SUSD6: variants seen among roughly 807,000 people sequenced by gnomAD.
SUSD6 encodes sushi domain containing 6.
In SUSD6, 16 loss-of-function variants were observed where a neutral mutation model predicts 28.4. The ratio of observed to expected loss-of-function variants is 0.56; its 90% CI spans 0.38 to 0.86. The LOEUF (loss-of-function observed/expected upper bound fraction) is 0.86. SUSD6 is among the 40% of genes least tolerant of loss of function. SUSD6 has a pLI of 0.00. For synonymous variants in SUSD6, 147 were observed against 159.6 expected (o/e 0.92, Z 0.59); for missense variants, 341 against 384.2 (o/e 0.89, Z 0.94).
Position 69,701,479 on chromosome 14 carries a change from A to G in SUSD6, c.122-1916A>G, listed in dbSNP as rs192406642. Among the ~76,000 whole-genome samples the G allele has an allele frequency of 1.3e-3, 202 of 152,304 alleles. 1 individual carries two copies. The highest frequency in any genetic ancestry group is 4.7e-3 in the African/African-American group (195 of 41,558). ...ACAGTCCAAGGAGAGCCAGGGAGTA[A>G]GTCAGGGAGATCTGTGGCAGGCCTG... is the stretch of plus-strand genomic sequence containing the variant. On this transcript the variant is annotated intron_variant, in intron 2 of 5. Transcript: ENST00000342745.
chr14:69,695,380 G>A (rs11847514), intron 2 of SUSD6, among the ~76,000 whole-genome samples: 6,095 of 152,318 alleles, frequency 0.04, 436 homozygotes, highest in African/African-American at 0.14. Context: ...ACCTTGTGCT[G>A]TATCCAAAAC....
chr14:69,663,002 T>A (rs1885685406), intron 2 of SUSD6, among the ~76,000 whole-genome samples: 1 of 152,230 alleles, frequency 6.6e-6, no homozygotes, highest in Admixed American at 6.5e-5. Flanking sequence ...GCAGTTGATA[T>A]TCTTTGCTGT....
chr14:69,621,385 A>G (rs940986933), intron 1 of SUSD6, among the ~76,000 whole-genome samples: 1 of 152,204 alleles, frequency 6.6e-6, no homozygotes, highest in African/African-American at 2.4e-5. Context: ...GTTAACATTC[A>G]CCAAGTTCAC....
At chr14:69,653,715 A>G (rs1241286495) in intron 1 of SUSD6, among the ~76,000 whole-genome samples, 1 of 103,238 alleles carries the variant, frequency 9.7e-6, no homozygotes, top group Non-Finnish European at 2.0e-5. Context: ...TAGCCTCAGT[A>G]TTTCTCTAGG....
intron 1 of SUSD6, among the ~76,000 whole-genome samples, chr14:69,626,641 A>G (rs1269981875): frequency 6.6e-6 from 1 of 152,110 alleles, no homozygotes; most frequent in Non-Finnish European, 1.5e-5. Flanking sequence ...GTGCCTACCT[A>G]TGAAGCACCC....
At chr14:69,644,029 G>A (rs569940863) in intron 1 of SUSD6, among the ~76,000 whole-genome samples, 1 of 152,282 alleles carries the variant, frequency 6.6e-6, no homozygotes, top group Non-Finnish European at 1.5e-5. Context: ...CACGTTGGCT[G>A]TATATCTCCC....
rs1157707330 is a variant in SUSD6 at position 69,714,259 on chromosome 14, C to T, written c.*3280C>T. On this transcript the variant is annotated 3_prime_UTR_variant, in exon 6 of 6. Transcript: ENST00000342745. The stretch of plus-strand genomic sequence containing the variant: ...ATGGCAATTCAGACAAAGGTATACT[C>T]TTCCTGCTTCATGGGTGGTGGCACG... 6.6e-6 allele frequency: 1 copy of T among 152,246 alleles called. No individual in the cohort carries two copies. The highest frequency in any genetic ancestry group is 1.5e-5 in the Non-Finnish European group (1 of 68,052). 9.4% of individuals were successfully genotyped at this position (152,246 alleles called of 1,614,324 possible). A position where few individuals can be genotyped will look rare whatever the true frequency, so the allele number is the denominator to read the frequency against.
rs770189567 is a variant in SUSD6, at chr14:69,708,755, G to A, written c.537G>A (p.Glu179=). ...GVQVALPSYE[E]AVYGSSGHCV... ...AGGTTGCACTACCATCATACGAGGA[G>A]GCTGTATATGGCAGTTCTGGTCACT... Residue 179 remains glutamate, a synonymous_variant, in exon 5 of 6, where the codon GAG becomes GAA. Transcript: ENST00000342745. 10 of 1,613,800 alleles carry A rather than the reference G, an allele frequency of 6.2e-6. No homozygotes were observed. The highest frequency in any genetic ancestry group is 1.7e-6 in the Non-Finnish European group (2 of 1,179,912).
chr14:69,672,220 T>C (rs1275749), intron 2 of SUSD6, among the ~76,000 whole-genome samples: 127,731 of 152,140 alleles, frequency 0.84, 55,776 homozygotes, highest in Non-Finnish European at 0.95. Flanking sequence ...CCCAAACCTA[T>C]GGAATCGAAA....
At chr14:69,676,753 T>C (rs899224770) in intron 2 of SUSD6, among the ~76,000 whole-genome samples, 5 of 152,214 alleles carry the variant, frequency 3.3e-5, no homozygotes. Flanking sequence ...AACCATTTAG[T>C]AGATCTCTGT....
At position 69,711,506 on chromosome 14, in the gene SUSD6, CA is replaced by C. The variant is rs1258135741; in HGVS notation, c.*528del. On this transcript the variant is annotated 3_prime_UTR_variant, in exon 6 of 6. Coordinates refer to ENST00000342745, the MANE Select transcript of SUSD6 (RefSeq NM_014734.4). ...TTGCCCCTACTGCCCTTTGCAGGAA[CA>C]GATCCAGGTGTGAGAGCTCTTGAGT... 6.5e-6 allele frequency: 1 copy of C among 154,648 alleles called. No individual in the cohort carries two copies. Among genetic ancestry groups the C allele is most frequent in the Non-Finnish European group, 1.4e-5 (1 of 69,612 alleles). 9.6% of individuals were successfully genotyped at this position (154,648 alleles called of 1,614,324 possible).
chr14:69,656,949 C>T (rs1188497464), intron 1 of SUSD6, among the ~76,000 whole-genome samples: 1 of 152,198 alleles, frequency 6.6e-6, no homozygotes, highest in Non-Finnish European at 1.5e-5. Context: ...AAGGCTCAAA[C>T]TGGAGTCTGG....
intron 2 of SUSD6, among the ~76,000 whole-genome samples, chr14:69,672,304 A>C (rs1639847259): frequency 6.6e-6 from 1 of 152,170 alleles, no homozygotes; most frequent in South Asian, 2.1e-4. Flanking sequence ...GAGAGGAGGG[A>C]TCATTAAAAT....
At chr14:69,648,697 A>C (rs1595041370) in intron 1 of SUSD6, among the ~76,000 whole-genome samples, 1 of 152,264 alleles carries the variant, frequency 6.6e-6, no homozygotes, top group East Asian at 1.9e-4. Flanking sequence ...ACATAACTGC[A>C]TCAGCCAGCT....
rs1027889186 is a variant in SUSD6 at position 69,646,969 on chromosome 14, C to T, written c.-80-11544C>T. On this transcript the variant is annotated intron_variant, in intron 1 of 5. Coordinates refer to ENST00000342745, the MANE Select transcript of SUSD6 (RefSeq NM_014734.4). ...GCCCGCCTTGGCTTCCCAAAGTGCT[C>T]GGATTACAGGCATGAGCCACAGTGC... Among the ~76,000 whole-genome samples the T allele has an allele frequency of 9.2e-5, 14 of 152,194 alleles. No individual in the cohort carries two copies. The South Asian group carries it at 2.1e-3, about 23-fold the overall frequency.
chr14:69,622,304 A>G (rs1885052591), intron 1 of SUSD6, among the ~76,000 whole-genome samples: 1 of 152,140 alleles, frequency 6.6e-6, no homozygotes, highest in African/African-American at 2.4e-5. Flanking sequence ...AGCTGGGACT[A>G]CAGGCATGTG....
intron 1 of SUSD6, among the ~76,000 whole-genome samples, chr14:69,620,181 G>A (rs1014845936): frequency 2.6e-5 from 4 of 152,200 alleles, no homozygotes; most frequent in Non-Finnish European, 4.4e-5. Flanking sequence ...TGGGAAGACC[G>A]TCTGCCTCCT....
chr14:69,692,423 C>T (rs1161330770), intron 2 of SUSD6, among the ~76,000 whole-genome samples: 1 of 152,220 alleles, frequency 6.6e-6, no homozygotes, highest in African/African-American at 2.4e-5. Flanking sequence ...TGAATGCAGA[C>T]TCTAGTACTT....
chr14:69,687,481 T>G (rs2139634713), intron 2 of SUSD6, among the ~76,000 whole-genome samples: 1 of 152,230 alleles, frequency 6.6e-6, no homozygotes, highest in East Asian at 1.9e-4. Context: ...TTGCTAGCCT[T>G]CTATAACATA....
Sources: gnomAD v4.1 joint callset for allele counts (sites outside exome capture counted in the v4.1 genomes callset) on GRCh38, gnomAD v4.1.1 for gene constraint, MANE v1.5 for transcripts, NCBI Gene and HGNC (gene_info 2026-07-23, HGNC 2026-07-21) for gene names.